CADPS: variants seen among roughly 807,000 people sequenced by gnomAD.
CADPS encodes calcium-dependent secretion activator 1.
In CADPS, 57 loss-of-function variants were observed where a neutral mutation model predicts 167.3. That is an observed-to-expected ratio of 0.34 (90% CI 0.28 to 0.42). The LOEUF is 0.42. CADPS is among the 20% of genes least tolerant of loss of function. CADPS has a pLI of 1.00. For synonymous variants in CADPS, 676 were observed against 635.3 expected (o/e 1.06, Z -0.96); for missense variants, 1,414 against 1,738.1 (o/e 0.81, Z 3.32).
chr3:62,851,952 T>C (rs1156876276), intron 1 of CADPS, among the ~76,000 whole-genome samples: 1 of 151,516 alleles, frequency 6.6e-6, no homozygotes, highest in East Asian at 1.9e-4. Flanking sequence ...AGTTCCATAT[T>C]TCTTGGAGGC....
Position 62,646,289 on chromosome 3 carries a change from T to C in CADPS, c.1204-446A>G, listed in dbSNP as rs190381276. On this transcript the variant is annotated intron_variant, in intron 5 of 29. Coordinates refer to ENST00000383710, the MANE Select transcript of CADPS (RefSeq NM_003716.4). The stretch of plus-strand genomic sequence containing the variant: ...AAGCAATTCTCCTGCGTCGGCCTCC[T>C]GAGTAGCTGGGATTACAGGTGCACG... Among the ~76,000 whole-genome samples the C allele has an allele frequency of 1.5e-3, 227 of 151,512 alleles. 2 individuals are homozygous for C. Among genetic ancestry groups the C allele is most frequent in the African/African-American group, 5.4e-3 (223 of 41,292 alleles).
At chr3:62,682,197 A>G (rs1331489092) in intron 3 of CADPS, among the ~76,000 whole-genome samples, 4 of 152,092 alleles carry the variant, frequency 2.6e-5, no homozygotes, top group Non-Finnish European at 5.9e-5. Flanking sequence ...CCACAATACA[A>G]GTATTTCTGG....
intron 6 of CADPS, among the ~76,000 whole-genome samples, chr3:62,633,014 G>A (rs1001733046): frequency 5.9e-5 from 9 of 152,018 alleles, no homozygotes; most frequent in African/African-American, 1.2e-4. Context: ...TCACCGAGAC[G>A]CTAGCACTAC....
intron 3 of CADPS, among the ~76,000 whole-genome samples, chr3:62,745,689 A>G (rs1295489147): frequency 6.6e-6 from 1 of 152,174 alleles, no homozygotes; most frequent in Admixed American, 6.5e-5. Context: ...ACACTGCTGC[A>G]CTTTGTTGAA....
chr3:62,842,520 A>G (rs889950288), intron 1 of CADPS, among the ~76,000 whole-genome samples: 1 of 152,236 alleles, frequency 6.6e-6, no homozygotes, highest in African/African-American at 2.4e-5. Context: ...TCAATTATCC[A>G]TTTAATCACC....
At position 62,563,727 on chromosome 3, in the gene CADPS, G is replaced by A. The variant is rs188091005; in HGVS notation, c.1645-6214C>T. 9.1e-4 allele frequency among the ~76,000 whole-genome samples: 138 copies of A among 151,864 alleles called. 2 individuals carry two copies. The highest frequency in any genetic ancestry group is 8.1e-3 in the Admixed American group (124 of 15,226). Reference sequence around the variant, plus strand: ...TCCCCCTGAGTCCCCAAAGTCCATCGTATTATTGTTATGTCTTTGCATCCT... The same window carrying A: ...TCCCCCTGAGTCCCCAAAGTCCATCATATTATTGTTATGTCTTTGCATCCT... On this transcript the variant is annotated intron_variant, in intron 9 of 29. Coordinates refer to ENST00000383710, the MANE Select transcript of CADPS (RefSeq NM_003716.4).
intron 24 of CADPS, among the ~76,000 whole-genome samples, chr3:62,473,490 A>G (rs2150578699): frequency 6.6e-6 from 1 of 152,358 alleles, no homozygotes; most frequent in Non-Finnish European, 1.5e-5. Flanking sequence ...CTAAATTGGT[A>G]TATGAATATC....
intron 1 of CADPS, among the ~76,000 whole-genome samples, chr3:62,778,812 G>A (rs2090952177): frequency 6.6e-6 from 1 of 152,272 alleles, no homozygotes. Context: ...TATAAAGGAT[G>A]AAAGGTATTT....
At chr3:62,673,579 G>A (rs1482015973) in intron 3 of CADPS, among the ~76,000 whole-genome samples, 2 of 152,060 alleles carry the variant, frequency 1.3e-5, no homozygotes, top group South Asian at 2.1e-4. Flanking sequence ...TGTGAGAGCA[G>A]GATAAATACA....
chr3:62,869,817 C>A (rs1397251025), intron 1 of CADPS, among the ~76,000 whole-genome samples: 1 of 152,126 alleles, frequency 6.6e-6, no homozygotes, highest in East Asian at 1.9e-4. Context: ...GAACTCTCAT[C>A]ATTCCAGCTT....
intron 11 of CADPS, among the ~76,000 whole-genome samples, chr3:62,541,013 GA>G (rs745470646): frequency 1.3e-5 from 2 of 152,148 alleles, no homozygotes; most frequent in Non-Finnish European, 2.9e-5. Context: ...TCAAGAGAAT[GA>G]AAATGAATTT....
rs1436730651 is a variant in CADPS, at chr3:62,438,094, A to AT, written c.3777+9dup. The AT allele has an allele frequency of 6.3e-7, 1 of 1,581,960 alleles. No individual in the cohort carries two copies. The highest frequency in any genetic ancestry group is 2.2e-5 in the East Asian group (1 of 44,620). Reference sequence around the variant, plus strand: ...CCTTGGTTTTCAAGGAGGAGAAGGCATTTACTTACATCAAATAACCTTTCT... The same window carrying AT: ...CCTTGGTTTTCAAGGAGGAGAAGGCATTTTACTTACATCAAATAACCTTTCT... On this transcript the variant is annotated intron_variant, in intron 28 of 29. Coordinates refer to ENST00000383710, the MANE Select transcript of CADPS (RefSeq NM_003716.4). The surrounding 1 kb of genome is among the most constrained non-coding windows in gnomAD (Gnocchi z 4.7).
At chr3:62,449,530 C>G (rs566288723) in intron 26 of CADPS, among the ~76,000 whole-genome samples, 110 of 152,234 alleles carry the variant, frequency 7.2e-4, no homozygotes, top group Non-Finnish European at 1.4e-3. Context: ...AGGAATATGT[C>G]TTTTTGCCAG....
chr3:62,628,535 G>C (rs1314496609), intron 6 of CADPS, among the ~76,000 whole-genome samples: 1 of 151,694 alleles, frequency 6.6e-6, no homozygotes, highest in African/African-American at 2.4e-5. Flanking sequence ...TCCAAACCTA[G>C]ATGCTATCCT....
intron 3 of CADPS, among the ~76,000 whole-genome samples, chr3:62,752,001 A>G (rs967232012): frequency 6.6e-6 from 1 of 152,216 alleles, no homozygotes; most frequent in Non-Finnish European, 1.5e-5. Flanking sequence ...AGCTGTTGCA[A>G]TAAGAAGAAA....
intron 4 of CADPS, among the ~76,000 whole-genome samples, chr3:62,658,643 G>C (rs895728902): frequency 6.6e-6 from 1 of 152,126 alleles, no homozygotes; most frequent in Non-Finnish European, 1.5e-5. Flanking sequence ...CTAGGTAAGT[G>C]ATAGTTATTA....
intron 3 of CADPS, among the ~76,000 whole-genome samples, chr3:62,704,655 T>A (rs1321821652): frequency 2.0e-5 from 3 of 152,126 alleles, no homozygotes; most frequent in Non-Finnish European, 4.4e-5. Context: ...TGACAAATGC[T>A]AGGGATTATT....
intron 9 of CADPS, among the ~76,000 whole-genome samples, chr3:62,565,946 T>C (rs1324773437): frequency 1.3e-5 from 2 of 152,058 alleles, no homozygotes; most frequent in Non-Finnish European, 2.9e-5. Flanking sequence ...GAGATGAATT[T>C]TGAGGAGACT....
intron 28 of CADPS, among the ~76,000 whole-genome samples, chr3:62,424,578 A>G (rs1162426634): frequency 6.6e-6 from 1 of 152,206 alleles, no homozygotes; most frequent in Non-Finnish European, 1.5e-5. Context: ...GACCCAGAGC[A>G]TTAGACTTGG....
Sources: allele counts gnomAD v4.1 joint callset (sites outside exome capture counted in the v4.1 genomes callset), GRCh38; gene constraint gnomAD v4.1.1; non-coding constraint Gnocchi (gnomAD v3.1); transcripts MANE v1.5; gene names NCBI Gene and HGNC (gene_info 2026-07-23, HGNC 2026-07-21).